CFAP74: variants seen among roughly 807,000 people sequenced by gnomAD.
The protein encoded by CFAP74 is cilia- and flagella-associated protein 74.
Under a neutral mutation model 188.9 loss-of-function variants are expected in CFAP74, and 124 were observed. The observed-to-expected ratio is 0.66, with a 90% CI of 0.57 to 0.76. The LOEUF (loss-of-function observed/expected upper bound fraction) is 0.76, where lower values mean the gene tolerates loss of function less well. CFAP74 is among the 30% of genes least tolerant of loss of function. The probability of loss-of-function intolerance (pLI) is 0.00; values close to 1 mark genes in which losing one functional copy is unlikely to be tolerated. For missense variants in CFAP74, 2,198 were observed against 2,165.2 expected, an observed-to-expected ratio of 1.02 and a Z score of -0.30; for synonymous variants, 956 against 916.7, an observed-to-expected ratio of 1.04 and a Z score of -0.77.
chr1:1,971,006 CTGCACA>C (rs751396727), intron 9 of CFAP74, among the ~76,000 whole-genome samples, 190 bp from the exon 10 acceptor site: 2 of 144,628 alleles, frequency 1.4e-5, no homozygotes, highest in South Asian at 2.2e-4. Flanking sequence ...ACACGCACAC[CTGCACA>C]TGCACACATC....
chr1:1,960,229 G>A (rs1442666893), intron 14 of CFAP74, 199 bp from the exon 15 acceptor site: 12 of 578,946 alleles, frequency 2.1e-5, no homozygotes, highest in African/African-American at 4.0e-5. Context: ...CAGGCAGGGG[G>A]CGCTCCAGTG....
At chr1:2,001,929 G>T (rs935571571) in intron 1 of CFAP74, among the ~76,000 whole-genome samples, 1 of 152,232 alleles carries the variant, frequency 6.6e-6, no homozygotes, top group African/African-American at 2.4e-5. Context: ...CAAGGCCAAG[G>T]AATGTTCTGG....
intron 33 of CFAP74, among the ~76,000 whole-genome samples, chr1:1,925,300 G>A: frequency 6.6e-6 from 1 of 151,746 alleles, no homozygotes; most frequent in African/African-American, 2.4e-5. Flanking sequence ...AAAGGCATGA[G>A]GGCACACGCT....
chr1:1,987,482 G>C (rs989266582), intron 4 of CFAP74, among the ~76,000 whole-genome samples: 2 of 152,146 alleles, frequency 1.3e-5, no homozygotes, highest in Non-Finnish European at 2.9e-5. Context: ...GGTAGCTCCT[G>C]GGGGCGACTC....
chr1:1,988,133 G>A (rs1279494505), intron 4 of CFAP74: 3 of 478,624 alleles, frequency 6.3e-6, no homozygotes, highest in East Asian at 6.6e-5. Flanking sequence ...TTTAGGAGAC[G>A]CTGAAATATT....
chr1:1,996,930 A>AT (rs2102118893), intron 1 of CFAP74, among the ~76,000 whole-genome samples: 1 of 150,852 alleles, frequency 6.6e-6, no homozygotes, highest in Non-Finnish European at 1.5e-5. Context: ...CAAAAAAAAA[A>AT]AAAAAGAAAA....
intron 1 of CFAP74, among the ~76,000 whole-genome samples, chr1:2,001,626 A>G (rs975276690): frequency 2.6e-5 from 4 of 152,158 alleles, no homozygotes; most frequent in Non-Finnish European, 5.9e-5. Flanking sequence ...GCACCCGGCC[A>G]AAATGCTTGT....
intron 25 of CFAP74, among the ~76,000 whole-genome samples, chr1:1,934,048 T>C (rs1451541118): frequency 6.6e-6 from 1 of 152,064 alleles, no homozygotes; most frequent in Non-Finnish European, 1.5e-5. Context: ...ACAAGCAAAA[T>C]CCAGACCAGC....
At position 1,922,596 on chromosome 1, in the gene CFAP74, T is replaced by C; in HGVS notation, c.4811A>G (p.Asp1604Gly). Residue 1604 changes from aspartate (D) to glycine (G), a missense_variant, in exon 38 of 39, where the codon GAC (aspartate) becomes GGC (glycine). Physicochemically the swap from Asp to Gly is moderately conservative, Grantham distance 94. Transcript: ENST00000682832. ...TISISWVPPA[D>G]FDPDHPLMVS... Reference sequence around the variant, plus strand: ...GAGCCCAAAGGCACCTACATCAAAGTCCGCAGGTGGCACCCAGGAGATGCT... The same window carrying C: ...GAGCCCAAAGGCACCTACATCAAAGCCCGCAGGTGGCACCCAGGAGATGCT... 1 of 1,608,106 alleles carries C rather than the reference T, an allele frequency of 6.2e-7. No homozygotes were observed. Among genetic ancestry groups the C allele is most frequent in the Non-Finnish European group, 8.5e-7 (1 of 1,177,546 alleles).
In CFAP74 at chr1:1,927,671, C is replaced by T. The variant is rs549247354; in HGVS notation, c.3463G>A (p.Asp1155Asn). The stretch of plus-strand genomic sequence containing the variant: ...GGGACAGAGACTTTGAACAGCTTGT[C>T]GCGGTTCTGTGCTCGAAGAACGGAG... ...SFSVLRAQNR[D>N]KLFKVSVPHV... is the part of the protein sequence containing the mutation. The change falls in exon 28 of 39, where the codon GAC becomes AAC. Residue 1155 changes from aspartate (D) to asparagine (N), a missense_variant. Physicochemically the swap from Asp to Asn is conservative, Grantham distance 23. Coordinates refer to ENST00000682832, the MANE Select transcript of CFAP74 (RefSeq NM_001304360.2). 3.0e-5 allele frequency: 46 copies of T among 1,550,056 alleles called. No homozygotes were observed. The highest frequency in any genetic ancestry group is 1.6e-4 in the African/African-American group (12 of 73,046).
At chr1:1,960,873 CA>C (rs1469082517) in intron 14 of CFAP74, among the ~76,000 whole-genome samples, 1 of 152,136 alleles carries the variant, frequency 6.6e-6, no homozygotes, top group African/African-American at 2.4e-5. Flanking sequence ...GGCCGAGCTC[CA>C]AACCCTTCAG....
In CFAP74 at chr1:1,955,026, C is replaced by T. The variant is rs1382990247; in HGVS notation, c.2176+665G>A. On this transcript the variant is annotated intron_variant, in intron 18 of 38. Coordinates refer to ENST00000682832, the MANE Select transcript of CFAP74 (RefSeq NM_001304360.2). Reference sequence around the variant, plus strand: ...CACGCAGTGGTGAGGACAGGAAGTGCGGCTCACACCGGAAGTGCGGCTCAC... The same window carrying T: ...CACGCAGTGGTGAGGACAGGAAGTGTGGCTCACACCGGAAGTGCGGCTCAC... 7.1e-6 allele frequency: 8 copies of T among 1,129,182 alleles called. No individual in the cohort carries two copies. In the African/African-American group the frequency reaches 9.9e-5, roughly 14 times the overall value. 69.9% of individuals were successfully genotyped at this position (1,129,182 alleles called of 1,614,324 possible).
intron 28 of CFAP74, chr1:1,927,356 G>A: frequency 1.7e-6 from 1 of 573,668 alleles, no homozygotes; most frequent in Non-Finnish European, 3.1e-6. Flanking sequence ...CGGGGGGCTG[G>A]GTGGGGGGTG....
chr1:1,966,603 G>A (rs777245073), intron 11 of CFAP74, 77 bp from the exon 12 acceptor site: 34 of 1,323,900 alleles, frequency 2.6e-5, no homozygotes, highest in Middle Eastern at 2.9e-4. Context: ...CCCAGCCCCC[G>A]CCGGTATGGC....
chr1:1,936,341 C>G (rs915578723), intron 25 of CFAP74, among the ~76,000 whole-genome samples: 2 of 149,530 alleles, frequency 1.3e-5, no homozygotes, highest in African/African-American at 2.5e-5. Context: ...GTCAAGAGAT[C>G]GAGACCATCC....
At chr1:1,970,458 A>G (rs1655869337) in intron 10 of CFAP74, among the ~76,000 whole-genome samples, 1 of 152,172 alleles carries the variant, frequency 6.6e-6, no homozygotes, top group East Asian at 1.9e-4. Context: ...GAGTAGGGGC[A>G]GGGCTGGGCA....
At chr1:1,948,790 T>C (rs1653964110) in intron 18 of CFAP74, among the ~76,000 whole-genome samples, 2 of 152,252 alleles carry the variant, frequency 1.3e-5, no homozygotes, top group South Asian at 2.1e-4. Context: ...TCTCACCATG[T>C]AGTACTTTTC....
At chr1:1,948,942 T>TCTTTCCTAC (rs879446867) in intron 18 of CFAP74, among the ~76,000 whole-genome samples, 1 of 34,356 alleles carries the variant, frequency 2.9e-5, no homozygotes, top group African/African-American at 6.9e-5. Flanking sequence ...TTTCCTCCCT[T>TCTTTCCTAC]CCTTTCCCTC....
intron 20 of CFAP74, among the ~76,000 whole-genome samples, chr1:1,944,925 G>A (rs541233229): frequency 2.6e-5 from 4 of 152,202 alleles, no homozygotes; most frequent in Non-Finnish European, 4.4e-5. Context: ...TTTTATTTTC[G>A]AAATGTTCAA....
Sources: allele counts gnomAD v4.1 joint callset (sites outside exome capture counted in the v4.1 genomes callset), GRCh38; gene constraint gnomAD v4.1.1; transcripts MANE v1.5; gene names NCBI Gene and HGNC (gene_info 2026-07-23, HGNC 2026-07-21).